Variants in NRP1 observed in about 807,000 individuals in gnomAD.
NRP1 encodes neuropilin 1, also known as neuropilin-1.
In NRP1, 35 loss-of-function variants were observed where a neutral mutation model predicts 106.7. The ratio of observed to expected loss-of-function variants is 0.33; its 90% CI spans 0.25 to 0.43. The LOEUF (loss-of-function observed/expected upper bound fraction) is 0.43, where lower values mean the gene tolerates loss of function less well. Among genes scored for constraint, NRP1 ranks in the 20% least tolerant of loss-of-function variants. The pLI, the probability that NRP1 is intolerant of heterozygous loss-of-function variation, is 1.00. For missense variants in NRP1, 1,024 were observed against 1,170.4 expected, an observed-to-expected ratio of 0.87 and a Z score of 1.83; for synonymous variants, 437 against 417.9, an observed-to-expected ratio of 1.05 and a Z score of -0.56.
intron 8 of NRP1, among the ~76,000 whole-genome samples, chr10:33,220,908 A>G (rs920385702): frequency 6.6e-6 from 1 of 150,910 alleles, no homozygotes. Context: ...CTCAAAAAAA[A>G]AAAAAAAAAA....
At chr10:33,275,593 AC>A (rs1398004582) in intron 2 of NRP1, among the ~76,000 whole-genome samples, 1 of 150,942 alleles carries the variant, frequency 6.6e-6, no homozygotes, top group Non-Finnish European at 1.5e-5. Flanking sequence ...AACAACACCA[AC>A]CAAAAAAAAA....
chr10:33,291,604 T>A (rs1175661317), intron 2 of NRP1, among the ~76,000 whole-genome samples: 1 of 152,202 alleles, frequency 6.6e-6, no homozygotes, highest in Non-Finnish European at 1.5e-5. Flanking sequence ...AGTAGGAGCA[T>A]ATCAAACAGA....
intron 5 of NRP1, among the ~76,000 whole-genome samples, chr10:33,256,017 T>C (rs539804115): frequency 6.6e-6 from 1 of 152,260 alleles, no homozygotes; most frequent in African/African-American, 2.4e-5. Flanking sequence ...CATTTGAGGG[T>C]GCCAGGTAGA....
chr10:33,205,393 A>G (rs1254740460), intron 10 of NRP1: 1 of 152,198 alleles, frequency 6.6e-6, no homozygotes, highest in African/African-American at 2.4e-5. Flanking sequence ...TAACTTCCCA[A>G]TGAGTCCTCA....
At chr10:33,309,087 T>C (rs986572147) in intron 2 of NRP1, among the ~76,000 whole-genome samples, 2 of 152,232 alleles carry the variant, frequency 1.3e-5, no homozygotes, top group East Asian at 3.8e-4. Flanking sequence ...ATATTATTTT[T>C]ATGAATCACA....
At chr10:33,203,224 T>G (rs2474719) in intron 10 of NRP1, among the ~76,000 whole-genome samples, 70,295 of 152,142 alleles carry the variant, frequency 0.46, 16,579 homozygotes, top group East Asian at 0.74. Flanking sequence ...AGTAGAGTTG[T>G]CTGCCTTAGC....
At chr10:33,315,914 C>T (rs985327180) in intron 2 of NRP1, among the ~76,000 whole-genome samples, 6 of 152,156 alleles carry the variant, frequency 3.9e-5, no homozygotes, top group African/African-American at 1.2e-4. Context: ...GAGGAGTGAG[C>T]TTCAAGAACT....
At chr10:33,244,120 GA>G (rs1027299967) in intron 6 of NRP1, among the ~76,000 whole-genome samples, 4 of 152,134 alleles carry the variant, frequency 2.6e-5, no homozygotes, top group African/African-American at 4.8e-5. Context: ...CAGGGCTTTG[GA>G]ATTTACAGGG....
At position 33,186,319 on chromosome 10, in the gene NRP1, C is replaced by T. The variant is rs1836001897; in HGVS notation, c.2232G>A (p.Lys744=). 4.3e-6 allele frequency: 7 copies of T among 1,614,056 alleles called. No individual in the cohort carries two copies. The South Asian group carries it at 5.5e-5, about 13-fold the overall frequency. ...GTLRVKLRYQ[K]PEEYDQLVWM... ...AGACCAGCTGATCGTACTCCTCTGG[C>T]TTCTGGTAGCGCAGTTTGACCCTGA... Residue 744 remains lysine, a synonymous_variant, in exon 14 of 17, where the codon AAG becomes AAA. Coordinates refer to ENST00000374867, the MANE Select transcript of NRP1 (RefSeq NM_003873.7).
chr10:33,250,189 A>C (rs767022229), intron 6 of NRP1, among the ~76,000 whole-genome samples: 17 of 152,222 alleles, frequency 1.1e-4, no homozygotes, highest in Non-Finnish European at 2.1e-4. Flanking sequence ...TCTTGCCCTC[A>C]GTATAAATTA....
Position 33,256,384 on chromosome 10 carries a change from G to C in NRP1, c.746C>G (p.Thr249Ser), listed in dbSNP as rs748767291. Residue 249 changes from threonine to serine, a missense_variant, in exon 5 of 17, where the codon ACC becomes AGC. By Grantham distance (58) the Thr-to-Ser change is moderately conservative. Transcript: ENST00000374867. ...SSGILSMVFY[T>S]DSAIAKEGFS... The stretch of plus-strand genomic sequence containing the variant: ...ACCTTCTTTTGCTATCGCGCTGTCG[G>C]TGTAAAAAACCATGGAGAGAATGCC... The C allele has an allele frequency of 6.2e-7, 1 of 1,614,162 alleles. No individual in the cohort carries two copies. The highest frequency in any genetic ancestry group is 1.1e-5 in the South Asian group (1 of 91,082).
intron 6 of NRP1, among the ~76,000 whole-genome samples, chr10:33,245,972 A>T (rs1841390267): frequency 6.6e-6 from 1 of 152,186 alleles, no homozygotes; most frequent in Non-Finnish European, 1.5e-5. Context: ...CTTTTTGGTG[A>T]TGCTTCATCA....
At chr10:33,206,369 G>GATAA in intron 10 of NRP1, 1 of 517,938 alleles carries the variant, frequency 1.9e-6, no homozygotes, top group Non-Finnish European at 3.9e-6. Context: ...TAATTTAGGG[G>GATAA]TTTGGGACAT....
chr10:33,226,176 G>T lies in NRP1; in HGVS notation c.1095C>A (p.Asn365Lys). Residue 365 changes from asparagine to lysine, a missense_variant, in exon 7 of 17, where the codon AAC (asparagine) becomes AAA (lysine). Physicochemically the swap from Asn to Lys is moderately conservative, Grantham distance 94. Transcript: ENST00000374867. Reference protein sequence around the residue: ...VKTYKIDVSSNGEDWITIKEG... With the variant: ...VKTYKIDVSSKGEDWITIKEG... ...CTTTTATGGTGATCCAGTCTTCCCC[G>T]TTGGAGCTAACGTCGATCTTGTAAG... 6.2e-7 allele frequency: 1 copy of T among 1,614,158 alleles called. No homozygotes were observed. Among genetic ancestry groups the T allele is most frequent in the Non-Finnish European group, 8.5e-7 (1 of 1,180,022 alleles).
chr10:33,281,100 A>T (rs1327386487), intron 2 of NRP1, among the ~76,000 whole-genome samples: 1 of 150,594 alleles, frequency 6.6e-6, no homozygotes, highest in Non-Finnish European at 1.5e-5. Flanking sequence ...CCCAGGCTGG[A>T]GTGCAGTGGC....
intron 2 of NRP1, among the ~76,000 whole-genome samples, chr10:33,296,963 A>G (rs1845429914): frequency 6.6e-6 from 1 of 152,068 alleles, no homozygotes; most frequent in South Asian, 2.1e-4. Context: ...CAGGAGGCGG[A>G]GTTTGCAGTC....
At chr10:33,214,808 G>A (rs1838623315) in intron 8 of NRP1, among the ~76,000 whole-genome samples, 1 of 152,152 alleles carries the variant, frequency 6.6e-6, no homozygotes, top group South Asian at 2.1e-4. Context: ...CAGGGCTTGG[G>A]GGAAATGGAG....
chr10:33,315,904 G>A (rs953611454), intron 2 of NRP1, among the ~76,000 whole-genome samples: 4 of 152,196 alleles, frequency 2.6e-5, no homozygotes, highest in African/African-American at 9.7e-5. Flanking sequence ...CTGGGAAAAG[G>A]AGGAGTGAGC....
chr10:33,269,933 G>A (rs1056240467), intron 3 of NRP1, among the ~76,000 whole-genome samples: 3 of 152,216 alleles, frequency 2.0e-5, no homozygotes, highest in African/African-American at 7.2e-5. Flanking sequence ...CTTATGGTGA[G>A]TTGTATAATT....
Sources: gnomAD v4.1 joint callset for allele counts (sites outside exome capture counted in the v4.1 genomes callset) on GRCh38, gnomAD v4.1.1 for gene constraint, MANE v1.5 for transcripts, NCBI Gene and HGNC (gene_info 2026-07-23, HGNC 2026-07-21) for gene names.